Variants in MYO3A observed in about 807,000 individuals in gnomAD.
The protein encoded by MYO3A is myosin IIIA.
A neutral mutation model predicts 192.7 loss-of-function variants in MYO3A; 180 were observed. The observed-to-expected ratio is 0.93, with a 90% CI of 0.83 to 1.06. The LOEUF (loss-of-function observed/expected upper bound fraction) is 1.06, where lower values mean the gene tolerates loss of function less well. Ranked by LOEUF, MYO3A falls within the 50% of genes least tolerant of loss-of-function variation. The probability of loss-of-function intolerance (pLI) is 0.00; values close to 1 mark genes in which losing one functional copy is unlikely to be tolerated. For synonymous variants in MYO3A, 628 were observed against 645.3 expected, an observed-to-expected ratio of 0.97 and a Z score of 0.41; for missense variants, 1,896 against 1,905.0, an observed-to-expected ratio of 1.00 and a Z score of 0.09.
chr10:26,080,828 G>C (rs1163481818), intron 14 of MYO3A, among the ~76,000 whole-genome samples: 3 of 152,090 alleles, frequency 2.0e-5, no homozygotes, highest in Admixed American at 2.0e-4. Context: ...CTCTCTTCTG[G>C]GTCAAGCCAC....
At chr10:25,945,381 C>T (rs1439830141) in intron 2 of MYO3A, among the ~76,000 whole-genome samples, 1 of 152,008 alleles carries the variant, frequency 6.6e-6, no homozygotes, top group African/African-American at 2.4e-5. Flanking sequence ...TCTGTTAGAT[C>T]CAATTGGTCT....
At chr10:25,961,132 G>T (rs1410009565) in intron 4 of MYO3A, among the ~76,000 whole-genome samples, 3 of 152,016 alleles carry the variant, frequency 2.0e-5, no homozygotes, top group Non-Finnish European at 2.9e-5. Context: ...AAACATTTTC[G>T]ATAATGAATT....
intron 4 of MYO3A, among the ~76,000 whole-genome samples, chr10:25,979,986 C>T (rs1006405099): frequency 6.6e-6 from 1 of 152,150 alleles, no homozygotes; most frequent in African/African-American, 2.4e-5. Flanking sequence ...CCTGTAATCC[C>T]AGCACTTTGG....
chr10:26,114,222 G>C (rs1181598839), intron 17 of MYO3A, among the ~76,000 whole-genome samples: 1 of 152,120 alleles, frequency 6.6e-6, no homozygotes, highest in Admixed American at 6.5e-5. Flanking sequence ...CCTGGTCCAT[G>C]ATGACCCCCA....
At chr10:26,059,386 T>C (rs1834322904) in intron 10 of MYO3A, among the ~76,000 whole-genome samples, 1 of 152,196 alleles carries the variant, frequency 6.6e-6, no homozygotes, top group Non-Finnish European at 1.5e-5. Context: ...GGAGTTTTTA[T>C]CATGAAAAGA....
chr10:26,026,266 C>A, intron 9 of MYO3A, 111 bp from the exon 10 acceptor site: 1 of 1,286,896 alleles, frequency 7.8e-7, no homozygotes, highest in Non-Finnish European at 1.1e-6. Flanking sequence ...TTGGGCTGAG[C>A]ATTTATGAGG....
intron 3 of MYO3A, 41 bp downstream of exon 3, chr10:25,952,319 C>A: frequency 6.4e-7 from 1 of 1,556,926 alleles, no homozygotes; most frequent in Non-Finnish European, 8.8e-7. Flanking sequence ...TTATTTTTAT[C>A]TGTATGAAAC....
chr10:26,177,858 T>C (rs1472946450), intron 31 of MYO3A, among the ~76,000 whole-genome samples: 1 of 152,258 alleles, frequency 6.6e-6, no homozygotes, highest in Non-Finnish European at 1.5e-5. Context: ...TAAGATGCAC[T>C]TGGCTATTTG....
At chr10:26,147,722 A>C (rs1184174230) in intron 23 of MYO3A, among the ~76,000 whole-genome samples, 163 bp downstream of exon 23, 2 of 152,248 alleles carry the variant, frequency 1.3e-5, no homozygotes, top group Admixed American at 6.5e-5. Context: ...TCTGAAGAAA[A>C]TATAAAAATG....
intron 10 of MYO3A, among the ~76,000 whole-genome samples, chr10:26,061,086 G>A (rs952515035): frequency 6.6e-5 from 10 of 151,920 alleles, no homozygotes; most frequent in Middle Eastern, 3.4e-3. Flanking sequence ...CTGCCACCAC[G>A]CCCAGCTAAT....
intron 34 of MYO3A, among the ~76,000 whole-genome samples, chr10:26,207,452 C>A (rs1259412630): frequency 6.6e-6 from 1 of 152,092 alleles, no homozygotes; most frequent in Non-Finnish European, 1.5e-5. Flanking sequence ...TGTGAGATTG[C>A]TATTTGTAAG....
intron 10 of MYO3A, among the ~76,000 whole-genome samples, chr10:26,059,607 G>A (rs777023380): frequency 4.6e-5 from 7 of 152,178 alleles, no homozygotes; most frequent in Non-Finnish European, 8.8e-5. Flanking sequence ...TGTATCCACT[G>A]TTCCAAAATG....
At chr10:26,036,717 A>T (rs932082244) in intron 10 of MYO3A, among the ~76,000 whole-genome samples, 7 of 152,164 alleles carry the variant, frequency 4.6e-5, no homozygotes, top group African/African-American at 1.4e-4. Flanking sequence ...CAACTTGCTC[A>T]TCTCTCCCTG....
chr10:25,956,178 G>A (rs557569205), intron 4 of MYO3A, among the ~76,000 whole-genome samples: 2 of 152,202 alleles, frequency 1.3e-5, no homozygotes, highest in African/African-American at 4.8e-5. Context: ...TGCCTTCATG[G>A]CCTAATTACC....
chr10:26,136,353 A>G (rs1047174269), intron 20 of MYO3A, among the ~76,000 whole-genome samples: 4 of 152,234 alleles, frequency 2.6e-5, no homozygotes, highest in Admixed American at 1.3e-4. Context: ...AGCAGTGTCA[A>G]ATGGTGAACT....
chr10:26,133,461 A>G (rs1839659249), intron 20 of MYO3A, among the ~76,000 whole-genome samples: 2 of 152,078 alleles, frequency 1.3e-5, no homozygotes, highest in South Asian at 4.2e-4. Flanking sequence ...TGTGTTCCTC[A>G]TCCCTGCTAG....
intron 4 of MYO3A, among the ~76,000 whole-genome samples, chr10:25,986,243 A>G (rs1235291439): frequency 6.6e-6 from 1 of 152,200 alleles, no homozygotes; most frequent in African/African-American, 2.4e-5. Flanking sequence ...ACCCACAGCC[A>G]ACATTATACT....
intron 4 of MYO3A, among the ~76,000 whole-genome samples, chr10:25,984,576 C>T (rs1024396269): frequency 1.3e-5 from 2 of 152,166 alleles, no homozygotes; most frequent in Non-Finnish European, 2.9e-5. Flanking sequence ...TGTCTCTGTA[C>T]AGGGAAGCTG....
rs776166569 is a variant in MYO3A at position 26,212,018 on chromosome 10, AG to A, written c.*59del. ...AAGGCGCTGGAGCCTGCGGGGCAGC[AG>A]GGGCCAAGCAGGCACTCTGGGGCTG... On this transcript the variant is annotated 3_prime_UTR_variant, in exon 35 of 35. Transcript: ENST00000642920. 133 of 1,592,034 alleles carry A rather than the reference AG, an allele frequency of 8.4e-5. No homozygotes were observed. The African/African-American group carries it at 1.7e-3, about 21-fold the overall frequency.
Sources: allele counts gnomAD v4.1 joint callset (sites outside exome capture counted in the v4.1 genomes callset), GRCh38; gene constraint gnomAD v4.1.1; transcripts MANE v1.5; gene names NCBI Gene and HGNC (gene_info 2026-07-23, HGNC 2026-07-21).